Variants in TNR observed in about 807,000 individuals in gnomAD.
TNR encodes the protein tenascin R.
In TNR, 45 loss-of-function variants were observed where a neutral mutation model predicts 150.4. The observed-to-expected ratio is 0.30, with a 90% CI of 0.24 to 0.38. The LOEUF is 0.38. Among genes scored for constraint, TNR ranks in the 10% least tolerant of loss-of-function variants. The pLI, the probability that TNR is intolerant of heterozygous loss-of-function variation, is 1.00. For missense variants in TNR, 1,544 were observed against 1,759.1 expected (o/e 0.88, Z 2.19); for synonymous variants, 687 against 678.4 (o/e 1.01, Z -0.20).
Position 175,495,354 on chromosome 1 carries a change from G to T in TNR, c.-64+32915C>A, listed in dbSNP as rs574628404. Among the ~76,000 whole-genome samples, 3 of 152,272 alleles carry T rather than the reference G, an allele frequency of 2.0e-5. No homozygotes were observed. The South Asian group carries it at 6.2e-4, about 32-fold the overall frequency. On this transcript the variant is annotated intron_variant, in intron 2 of 22. Coordinates refer to ENST00000367674, the MANE Select transcript of TNR (RefSeq NM_003285.3). The stretch of plus-strand genomic sequence containing the variant: ...TACTGTAGTCATATTTTTAATTTTA[G>T]TGGCTACACAGTGCCTGCTTCATAG...
At chr1:175,699,243 A>G (rs74129311) in intron 1 of TNR, among the ~76,000 whole-genome samples, 9,453 of 152,212 alleles carry the variant, frequency 0.062, 377 homozygotes, top group East Asian at 0.17. Context: ...TGGAGAAGAA[A>G]AAAAATGGTG....
intron 2 of TNR, among the ~76,000 whole-genome samples, chr1:175,518,141 G>A (rs998673341): frequency 3.3e-5 from 5 of 152,164 alleles, no homozygotes; most frequent in Admixed American, 6.5e-5. Context: ...TAATACTTCT[G>A]TAAGCAGTTG....
chr1:175,581,161 G>A (rs912484060), intron 1 of TNR, among the ~76,000 whole-genome samples: 1 of 152,204 alleles, frequency 6.6e-6, no homozygotes, highest in African/African-American at 2.4e-5. Flanking sequence ...GACTGCTGCT[G>A]CTGCCCACAG....
Position 175,553,817 on chromosome 1 carries a change from AACAC to A in TNR, c.-164-25452_-164-25449del, listed in dbSNP as rs58714689. 5.2e-4 allele frequency among the ~76,000 whole-genome samples: 76 copies of A among 145,496 alleles called. 1 individual carries two copies. In the Middle Eastern group the frequency reaches 0.01, roughly 20 times the overall value. ...TCATACATATGCATATACAAGAACAAACACACACACACACACACACACACACACA... is the reference window on the plus strand; with the variant it reads ...TCATACATATGCATATACAAGAACAAACACACACACACACACACACACACA... On this transcript the variant is annotated intron_variant, in intron 1 of 22. Transcript: ENST00000367674.
chr1:175,544,158 A>G (rs1049585997), intron 1 of TNR, among the ~76,000 whole-genome samples: 1 of 152,260 alleles, frequency 6.6e-6, no homozygotes, highest in Non-Finnish European at 1.5e-5. Flanking sequence ...GGTCTTAAGC[A>G]ACGAAGAGGC....
chr1:175,331,062 T>TTTCTTTCCTTC (rs1557867836), intron 20 of TNR, among the ~76,000 whole-genome samples: 52 of 124,054 alleles, frequency 4.2e-4, no homozygotes, highest in Middle Eastern at 4.0e-3. Context: ...TCTTTCTTTC[T>TTTCTTTCCTTC]TTCTTTCTTT....
intron 1 of TNR, among the ~76,000 whole-genome samples, chr1:175,555,498 C>A (rs1661117206): frequency 7.1e-6 from 1 of 141,368 alleles, no homozygotes; most frequent in African/African-American, 2.7e-5. Context: ...TTAGTGCTGA[C>A]TCACCGACAA....
At chr1:175,417,157 C>T (rs1217852195) in intron 2 of TNR, among the ~76,000 whole-genome samples, 1 of 151,982 alleles carries the variant, frequency 6.6e-6, no homozygotes, top group Non-Finnish European at 1.5e-5. Context: ...AACTGAAGAA[C>T]AAGGCAAGCC....
At position 175,362,689 on chromosome 1, in the gene TNR, T is replaced by C. The variant is rs749161302; in HGVS notation, c.2828A>G (p.Glu943Gly). ...TGTGTGCACAAGAGTACAGATGCGC[T>C]CGCTTTCCTCCCTGCCCCGCACGCT... ...LNSVRGREESERICTLVHTAM... is the reference protein window; with the variant it reads ...LNSVRGREESGRICTLVHTAM... Residue 943 changes from glutamate (E) to glycine (G), a missense_variant, in exon 14 of 23, where the codon GAG (glutamate) becomes GGG (glycine). Coordinates refer to ENST00000367674, the MANE Select transcript of TNR (RefSeq NM_003285.3). 6.2e-7 allele frequency: 1 copy of C among 1,614,102 alleles called. No individual in the cohort carries two copies. The highest frequency in any genetic ancestry group is 1.1e-5 in the South Asian group (1 of 91,078).
intron 2 of TNR, among the ~76,000 whole-genome samples, chr1:175,439,292 C>G (rs1267688098): frequency 2.0e-5 from 3 of 151,794 alleles, no homozygotes; most frequent in African/African-American, 4.8e-5. Flanking sequence ...CCCTATTTAA[C>G]AAATGGTGCT....
At chr1:175,328,910 G>A (rs73032442) in intron 21 of TNR, among the ~76,000 whole-genome samples, 3,801 of 152,324 alleles carry the variant, frequency 0.025, 164 homozygotes, top group African/African-American at 0.086. Flanking sequence ...AATCTTAGAA[G>A]TGAATAGCGT....
intron 1 of TNR, among the ~76,000 whole-genome samples, chr1:175,560,544 G>A (rs1423102794): frequency 6.6e-6 from 1 of 152,214 alleles, no homozygotes; most frequent in Non-Finnish European, 1.5e-5. Flanking sequence ...ATGGAAATGG[G>A]ATTCCATTTA....
At chr1:175,332,498 C>T (rs1336646773) in intron 20 of TNR, among the ~76,000 whole-genome samples, 1 of 152,186 alleles carries the variant, frequency 6.6e-6, no homozygotes, top group Non-Finnish European at 1.5e-5. Flanking sequence ...GTGTTATCCC[C>T]AACTTGAGTA....
Position 175,354,516 on chromosome 1 carries a change from A to G in TNR, c.3257T>C (p.Ile1086Thr), listed in dbSNP as rs531873601. 4 of 1,613,992 alleles carry G rather than the reference A, an allele frequency of 2.5e-6. No individual in the cohort carries two copies. Among genetic ancestry groups the G allele is most frequent in the South Asian group, 1.1e-5 (1 of 91,072 alleles). The part of the protein sequence containing the change: ...KSTDGSRKEL[I>T]VDAEDTWIRL... ...AATCCAGGTGTCTTCTGCATCCACA[A>G]TCAGCTCCTGTATAATGAGCCAAAG... The change falls in exon 18 of 23, where the codon ATT becomes ACT. Residue 1086 changes from isoleucine (I) to threonine (T), a missense_variant. Around this residue, in one of 2 missense-constraint regions of TNR, gnomAD observed 290 missense variants for 429.7 expected, o/e 0.67. Transcript: ENST00000367674.
At chr1:175,459,351 C>T (rs1231326323) in intron 2 of TNR, among the ~76,000 whole-genome samples, 1 of 152,212 alleles carries the variant, frequency 6.6e-6, no homozygotes, top group Non-Finnish European at 1.5e-5. Flanking sequence ...TTACCACTGC[C>T]ATCTCCACCA....
At chr1:175,623,096 T>C (rs1037657918) in intron 1 of TNR, among the ~76,000 whole-genome samples, 6 of 152,218 alleles carry the variant, frequency 3.9e-5, no homozygotes, top group African/African-American at 1.4e-4. Flanking sequence ...ATTCAACCTA[T>C]AACAGTGCTC....
chr1:175,694,325 G>A (rs1347522695), intron 1 of TNR, among the ~76,000 whole-genome samples: 1 of 152,098 alleles, frequency 6.6e-6, no homozygotes, highest in Non-Finnish European at 1.5e-5. Flanking sequence ...GAGATAAAAC[G>A]TCACAACCAT....
chr1:175,730,118 T>C (rs1667596650), intron 1 of TNR, among the ~76,000 whole-genome samples: 1 of 152,096 alleles, frequency 6.6e-6, no homozygotes, highest in South Asian at 2.1e-4. Context: ...CCATTCTCAC[T>C]ACCGCCTGCA....
intron 1 of TNR, among the ~76,000 whole-genome samples, chr1:175,588,737 T>C (rs1395607178): frequency 6.6e-6 from 1 of 152,194 alleles, no homozygotes; most frequent in Non-Finnish European, 1.5e-5. Context: ...CTGTTATAGA[T>C]AACCCTCTCT....
Sources: gnomAD v4.1 joint callset for allele counts (sites outside exome capture counted in the v4.1 genomes callset) on GRCh38, gnomAD v4.1.1 for gene constraint, gnomAD v4.1.1 regional missense constraint, MANE v1.5 for transcripts, NCBI Gene and HGNC (gene_info 2026-07-23, HGNC 2026-07-21) for gene names.